LRRC4C: variants seen among roughly 807,000 people sequenced by gnomAD.
LRRC4C encodes leucine-rich repeat-containing protein 4C.
A neutral mutation model predicts 33.6 loss-of-function variants in LRRC4C; 5 were observed. The observed-to-expected ratio is 0.15, with a 90% confidence interval of 0.08 to 0.31. LRRC4C has a LOEUF of 0.31. LRRC4C is among the 10% of genes least tolerant of loss of function. The probability of loss-of-function intolerance (pLI) is 1.00; values close to 1 mark genes in which losing one functional copy is unlikely to be tolerated. For synonymous variants in LRRC4C, 329 were observed against 302.0 expected (o/e 1.09, Z -0.93); for missense variants, 560 against 796.7 (o/e 0.70, Z 3.58).
intron 3 of LRRC4C, among the ~76,000 whole-genome samples, chr11:40,579,448 ATTTTGT>A (rs372820349): frequency 2.7e-5 from 4 of 150,194 alleles, no homozygotes; most frequent in African/African-American, 4.8e-5. Flanking sequence ...CACTGTATTT[ATTTTGT>A]TTTTGTTTTT....
intron 1 of LRRC4C, among the ~76,000 whole-genome samples, chr11:41,179,648 C>G (rs1030889084): frequency 7.9e-5 from 12 of 152,120 alleles, no homozygotes; most frequent in Non-Finnish European, 1.5e-4. Flanking sequence ...AATTACAAAC[C>G]ATTTATGAGT....
intron 2 of LRRC4C, among the ~76,000 whole-genome samples, chr11:40,705,819 C>A (rs1037365688): frequency 1.3e-5 from 2 of 152,104 alleles, no homozygotes; most frequent in African/African-American, 4.8e-5. Flanking sequence ...TACACTCCCA[C>A]CAACAGTGTA....
intron 1 of LRRC4C, among the ~76,000 whole-genome samples, chr11:41,204,179 A>G (rs968314757): frequency 1.2e-4 from 18 of 152,242 alleles, no homozygotes; most frequent in African/African-American, 4.3e-4. Flanking sequence ...GGCCTTCTAA[A>G]AATAGAAGAG....
At chr11:41,417,481 C>G (rs1005665337) in intron 1 of LRRC4C, among the ~76,000 whole-genome samples, 2 of 151,998 alleles carry the variant, frequency 1.3e-5, no homozygotes, top group Non-Finnish European at 2.9e-5. Context: ...TGTAGTGACC[C>G]TTGAAAAAGC....
At chr11:40,179,804 A>G (rs567227067) in intron 5 of LRRC4C, among the ~76,000 whole-genome samples, 73 of 152,356 alleles carry the variant, frequency 4.8e-4, no homozygotes, top group Non-Finnish European at 9.1e-4. Context: ...ACATGTTATA[A>G]TTAGATATAG....
intron 1 of LRRC4C, among the ~76,000 whole-genome samples, chr11:41,252,890 G>A (rs1400169428): frequency 6.6e-6 from 1 of 152,062 alleles, no homozygotes; most frequent in Non-Finnish European, 1.5e-5. Flanking sequence ...CACAAGAACA[G>A]CACGTGAAAG....
At chr11:41,071,421 AAAAT>A (rs2135424802) in intron 1 of LRRC4C, among the ~76,000 whole-genome samples, 1 of 152,284 alleles carries the variant, frequency 6.6e-6, no homozygotes, top group Admixed American at 6.5e-5. Flanking sequence ...TAAAATAGAA[AAAAT>A]AAATAAATAA....
Position 40,579,182 on chromosome 11 carries a change from C to A in LRRC4C, c.-270+68960G>T, listed in dbSNP as rs149728735. ...TAAAATCCCATTTCTACCAAAAATA[C>A]AAAAATTAGCCTGGATGATGGCATG... On this transcript the variant is annotated intron_variant, in intron 3 of 6. Coordinates refer to ENST00000528697, the MANE Select transcript of LRRC4C (RefSeq NM_001258419.2). Among the ~76,000 whole-genome samples, 234 of 152,120 alleles carry A rather than the reference C, an allele frequency of 1.5e-3. 1 individual carries two copies. The highest frequency in any genetic ancestry group is 5.0e-3 in the Admixed American group (76 of 15,272).
chr11:40,484,823 C>A (rs1004381976), intron 3 of LRRC4C, among the ~76,000 whole-genome samples: 2 of 152,004 alleles, frequency 1.3e-5, no homozygotes, highest in African/African-American at 4.8e-5. Flanking sequence ...AAATAATAAA[C>A]TTTACTCTGA....
Position 40,917,240 on chromosome 11 carries a change from G to A in LRRC4C, c.-407+16395C>T, listed in dbSNP as rs574519517. Among the ~76,000 whole-genome samples, 4 of 152,158 alleles carry A rather than the reference G, an allele frequency of 2.6e-5. No individual in the cohort carries two copies. The East Asian group carries it at 7.7e-4, about 29-fold the overall frequency. The stretch of plus-strand genomic sequence containing the variant: ...AGTTTTTTCCTTCTCTCCATAATGT[G>A]GCTAGGAAAAGGGTAGAAATATGCA... On this transcript the variant is annotated intron_variant, in intron 2 of 6. Coordinates refer to ENST00000528697, the MANE Select transcript of LRRC4C (RefSeq NM_001258419.2).
chr11:40,969,014 C>A (rs1851538949), intron 1 of LRRC4C, among the ~76,000 whole-genome samples: 1 of 152,084 alleles, frequency 6.6e-6, no homozygotes, highest in Non-Finnish European at 1.5e-5. Flanking sequence ...CACTGAAAAT[C>A]TTCGGGAAAG....
intron 1 of LRRC4C, among the ~76,000 whole-genome samples, chr11:41,394,106 C>G (rs535959838): frequency 6.6e-6 from 1 of 151,968 alleles, no homozygotes; most frequent in Non-Finnish European, 1.5e-5. Context: ...CTATCCTTCA[C>G]TTTTTATGCA....
At chr11:40,713,013 G>A (rs1012675576) in intron 2 of LRRC4C, among the ~76,000 whole-genome samples, 18 of 151,072 alleles carry the variant, frequency 1.2e-4, no homozygotes, top group African/African-American at 2.9e-4. Flanking sequence ...CTCAGTCTCC[G>A]GAGTAGCTGG....
chr11:40,549,321 T>C (rs1260578085), intron 3 of LRRC4C, among the ~76,000 whole-genome samples: 3 of 152,138 alleles, frequency 2.0e-5, no homozygotes, highest in Admixed American at 6.6e-5. Context: ...TGCAATGTCA[T>C]CTTGACTAGA....
chr11:40,914,753 A>G (rs1379543085), intron 2 of LRRC4C, among the ~76,000 whole-genome samples: 8 of 152,220 alleles, frequency 5.3e-5, no homozygotes, highest in Admixed American at 5.2e-4. Flanking sequence ...AGAGGAAGTC[A>G]AATTGTCCCT....
chr11:40,616,094 C>A (rs1029266423), intron 3 of LRRC4C, among the ~76,000 whole-genome samples: 1 of 151,724 alleles, frequency 6.6e-6, no homozygotes, highest in Non-Finnish European at 1.5e-5. Flanking sequence ...CAAAAAGTGG[C>A]TGAAGGATAT....
chr11:40,798,005 C>T (rs1163242145), intron 2 of LRRC4C, among the ~76,000 whole-genome samples: 2 of 152,140 alleles, frequency 1.3e-5, no homozygotes, highest in African/African-American at 4.8e-5. Flanking sequence ...CCAAAAATCG[C>T]AACTAGAGGT....
At chr11:40,636,982 TG>T (rs1392775187) in intron 3 of LRRC4C, among the ~76,000 whole-genome samples, 1 of 152,160 alleles carries the variant, frequency 6.6e-6, no homozygotes, top group Non-Finnish European at 1.5e-5. Context: ...CTGGCATCTG[TG>T]GTAGGAGGAT....
chr11:40,882,259 T>C (rs1278471307), intron 2 of LRRC4C, among the ~76,000 whole-genome samples: 1 of 152,080 alleles, frequency 6.6e-6, no homozygotes. Flanking sequence ...AGCTTAATCT[T>C]TTAATAGTTC....
Sources: gnomAD v4.1 joint callset for allele counts (sites outside exome capture counted in the v4.1 genomes callset) on GRCh38, gnomAD v4.1.1 for gene constraint, MANE v1.5 for transcripts, NCBI Gene and HGNC (gene_info 2026-07-23, HGNC 2026-07-21) for gene names.